Variants in TMEM164 observed in about 807,000 individuals in gnomAD.
TMEM164 encodes the protein RP13-360B22.2.
TMEM164 carries 4 observed loss-of-function variants against 18.8 expected under a neutral mutation model. The ratio of observed to expected loss-of-function variants is 0.21; its 90% CI spans 0.10 to 0.49. TMEM164 has a LOEUF of 0.49. Ranked by LOEUF, TMEM164 falls within the 20% of genes least tolerant of loss-of-function variation. The probability of loss-of-function intolerance (pLI) is 0.98; values close to 1 mark genes in which losing one functional copy is unlikely to be tolerated. For synonymous variants in TMEM164, 86 were observed against 101.7 expected (o/e 0.85, Z 0.93); for missense variants, 108 against 239.9 (o/e 0.45, Z 3.63).
rs1445943119 is a variant in TMEM164 at position 110,177,435 on chromosome X, A to G, written c.*3984A>G. 4 of 110,883 alleles carry G rather than the reference A, an allele frequency of 3.6e-5. No individual in the cohort carries two copies. The highest frequency in any genetic ancestry group is 5.7e-5 in the Non-Finnish European group (3 of 52,891). 9.1% of individuals were successfully genotyped at this position (110,883 alleles called of 1,213,427 possible). A position where few individuals can be genotyped will look rare whatever the true frequency, so the allele number is the denominator to read the frequency against. On this transcript the variant is annotated 3_prime_UTR_variant, in exon 7 of 7. Transcript: ENST00000372068. ...GCAGACCCGTCACTGTCTCCCCTGA[A>G]CCCCCACACAGTGGCTTCCCTTAGA...
chrX:110,066,148 G>A (rs1358821748), intron 2 of TMEM164, among the ~76,000 whole-genome samples: 7 of 111,148 alleles, frequency 6.3e-5, no homozygotes, highest in Non-Finnish European at 1.1e-4. Flanking sequence ...ATTCATGCAG[G>A]TGTCTTTCCT....
chrX:110,176,139 A>C lies in TMEM164; in HGVS notation c.*2688A>C. 1 of 756,740 alleles carries C rather than the reference A, an allele frequency of 1.3e-6. No individual in the cohort carries two copies. The highest frequency in any genetic ancestry group is 1.6e-6 in the Non-Finnish European group (1 of 639,654). The allele number at this position is 756,740 out of a possible 1,213,427, so 62.4% of individuals were successfully genotyped here. A position where few individuals can be genotyped will look rare whatever the true frequency, so the allele number is the denominator to read the frequency against. ...GCGTGTGTGAGGGTGTTTGTAGAAGAGGGCAGTTTCCTTTCAAATGGCCTT... is the reference window on the plus strand; with the variant it reads ...GCGTGTGTGAGGGTGTTTGTAGAAGCGGGCAGTTTCCTTTCAAATGGCCTT... On this transcript the variant is annotated 3_prime_UTR_variant, in exon 7 of 7. Transcript: ENST00000372068.
intron 4 of TMEM164, among the ~76,000 whole-genome samples, chrX:110,116,822 TTGTGTG>T (rs560695330): frequency 9.2e-4 from 89 of 97,037 alleles, no homozygotes; most frequent in African/African-American, 1.9e-3. Flanking sequence ...GGCCACTCCC[TTGTGTG>T]TGTGTGTGTG....
intron 4 of TMEM164, among the ~76,000 whole-genome samples, chrX:110,129,350 A>G: frequency 8.9e-6 from 1 of 112,337 alleles, no homozygotes; most frequent in Non-Finnish European, 1.9e-5. Flanking sequence ...GCTTTATGAG[A>G]GTTATCTCCT....
At chrX:110,075,876 G>A (rs775818721) in intron 3 of TMEM164, among the ~76,000 whole-genome samples, 1 of 110,987 alleles carries the variant, frequency 9.0e-6, no homozygotes, top group Non-Finnish European at 1.9e-5. Context: ...TTTTGTTGAG[G>A]ATTTTTGCTT....
chrX:110,124,410 A>G (rs1310670113), intron 4 of TMEM164, among the ~76,000 whole-genome samples: 2 of 111,895 alleles, frequency 1.8e-5, no homozygotes, highest in Non-Finnish European at 3.8e-5. Context: ...TTACCTCAAC[A>G]GGTGGCCTGC....
chrX:110,004,997 A>G (rs1439557147), intron 2 of TMEM164, among the ~76,000 whole-genome samples: 1 of 112,270 alleles, frequency 8.9e-6, no homozygotes, highest in African/African-American at 3.2e-5. Flanking sequence ...GGTGAGGACC[A>G]AGAGTGAGAC....
intron 3 of TMEM164, 92 bp downstream of exon 3, chrX:110,067,488 G>T (rs1324426014): frequency 1.2e-6 from 1 of 863,941 alleles, no homozygotes; most frequent in Admixed American, 2.3e-5. Context: ...TGAACACCTT[G>T]GGATTGTACC....
intron 2 of TMEM164, among the ~76,000 whole-genome samples, 168 bp from the exon 3 acceptor site, chrX:110,067,179 C>T (rs1222348532): frequency 1.8e-5 from 2 of 111,094 alleles, no homozygotes; most frequent in Non-Finnish European, 3.8e-5. Context: ...CACACACACA[C>T]GCATGCATGC....
At chrX:110,057,856 A>G (rs969043743) in intron 2 of TMEM164, among the ~76,000 whole-genome samples, 2 of 111,718 alleles carry the variant, frequency 1.8e-5, no homozygotes, top group East Asian at 2.8e-4. Flanking sequence ...TATTTCTGCT[A>G]TTGAGTTTAT....
Position 110,113,568 on chromosome X carries a change from A to G in TMEM164, c.507+4422A>G, listed in dbSNP as rs997886942. On this transcript the variant is annotated intron_variant, in intron 4 of 6. Transcript: ENST00000372068. Reference sequence around the variant, plus strand: ...GCTCATTAGCAGTAATGAGGAAGCAAGAAAAATAAAATGAACTGATTAGTG... The same window carrying G: ...GCTCATTAGCAGTAATGAGGAAGCAGGAAAAATAAAATGAACTGATTAGTG... Among the ~76,000 whole-genome samples, 83 of 112,051 alleles carry G rather than the reference A, an allele frequency of 7.4e-4. 2 individuals are homozygous for G. The highest frequency in any genetic ancestry group is 1.7e-4 in the Non-Finnish European group (9 of 53,201).
At chrX:110,005,902 G>A (rs1313145661) in intron 2 of TMEM164, among the ~76,000 whole-genome samples, 1 of 111,634 alleles carries the variant, frequency 9.0e-6, no homozygotes, top group Non-Finnish European at 1.9e-5. Flanking sequence ...CACATATCTA[G>A]AAGGTCGACA....
At chrX:110,087,964 G>A (rs1602598472) in intron 3 of TMEM164, among the ~76,000 whole-genome samples, 1 of 112,049 alleles carries the variant, frequency 8.9e-6, no homozygotes, top group Non-Finnish European at 1.9e-5. Flanking sequence ...GACGAGGGAA[G>A]CATGGGGGTG....
In TMEM164 at chrX:110,176,466, C is replaced by G; in HGVS notation, c.*3015C>G. The G allele has an allele frequency of 1.3e-6, 1 of 746,316 alleles. No individual in the cohort carries two copies. Among genetic ancestry groups the G allele is most frequent in the Non-Finnish European group, 1.6e-6 (1 of 630,355 alleles). 61.5% of individuals were successfully genotyped at this position (746,316 alleles called of 1,213,427 possible). A position where few individuals can be genotyped will look rare whatever the true frequency, so the allele number is the denominator to read the frequency against. On this transcript the variant is annotated 3_prime_UTR_variant, in exon 7 of 7. Transcript: ENST00000372068. The stretch of plus-strand genomic sequence containing the variant: ...TCAGCAATCTCTTTCTCTCTCTCTC[C>G]TCAAACTTCATCGCATTCATAGAAG...
At chrX:110,100,707 G>T (rs1306925956) in intron 3 of TMEM164, among the ~76,000 whole-genome samples, 2 of 110,374 alleles carry the variant, frequency 1.8e-5, no homozygotes, top group Non-Finnish European at 3.8e-5. Context: ...GAGTAGCTGG[G>T]ACTACAGGCG....
At chrX:110,012,579 A>T (rs992663529) in intron 2 of TMEM164, among the ~76,000 whole-genome samples, 17 of 112,129 alleles carry the variant, frequency 1.5e-4, no homozygotes, top group Admixed American at 2.8e-4. Flanking sequence ...AAAGCCCCTG[A>T]TCAGGAGAAC....
intron 2 of TMEM164, among the ~76,000 whole-genome samples, chrX:110,030,328 C>A (rs1176707484): frequency 9.3e-6 from 1 of 107,362 alleles, no homozygotes; most frequent in Non-Finnish European, 1.9e-5. Context: ...ACTGCGTTGC[C>A]GAGGCTAGTT....
chrX:110,006,240 T>C (rs190601734), intron 2 of TMEM164, among the ~76,000 whole-genome samples: 176 of 111,303 alleles, frequency 1.6e-3, no homozygotes, highest in African/African-American at 5.4e-3. Context: ...TAGTTTCTTC[T>C]CTGTGGAAGT....
chrX:110,144,626 G>A (rs2066825247), intron 4 of TMEM164, among the ~76,000 whole-genome samples, 172 bp from the exon 5 acceptor site: 1 of 111,407 alleles, frequency 9.0e-6, no homozygotes, highest in South Asian at 3.7e-4. Flanking sequence ...TAGATCAGAA[G>A]AATATTCATT....
Sources: allele counts gnomAD v4.1 joint callset (sites outside exome capture counted in the v4.1 genomes callset), GRCh38; gene constraint gnomAD v4.1.1; transcripts MANE v1.5; gene names NCBI Gene and HGNC (gene_info 2026-07-23, HGNC 2026-07-21).